ZFAND3: variants seen among roughly 807,000 people sequenced by gnomAD.
ZFAND3 encodes AN1-type zinc finger protein 3.
ZFAND3 carries 10 observed loss-of-function variants against 29.6 expected under a neutral mutation model. The observed-to-expected ratio is 0.34, with a 90% CI of 0.21 to 0.57. The LOEUF (loss-of-function observed/expected upper bound fraction) is 0.57. Ranked by LOEUF, ZFAND3 falls within the 20% of genes least tolerant of loss-of-function variation. The pLI is 0.86. For missense variants in ZFAND3, 230 were observed against 304.5 expected (o/e 0.76, Z 1.82); for synonymous variants, 128 against 112.6 (o/e 1.14, Z -0.87).
At chr6:38,073,950 C>T (rs1481526294) in intron 3 of ZFAND3, among the ~76,000 whole-genome samples, 1 of 152,174 alleles carries the variant, frequency 6.6e-6, no homozygotes, top group Non-Finnish European at 1.5e-5. Context: ...TAAATATTCA[C>T]ATTTTGTTGA....
intron 2 of ZFAND3, among the ~76,000 whole-genome samples, chr6:37,940,231 A>G (rs779817972): frequency 6.6e-6 from 1 of 152,134 alleles, no homozygotes; most frequent in Non-Finnish European, 1.5e-5. Context: ...TGTGCTTCAG[A>G]GGCTTTGGCT....
At chr6:38,032,254 A>G (rs1763576372) in intron 2 of ZFAND3, among the ~76,000 whole-genome samples, 1 of 152,318 alleles carries the variant, frequency 6.6e-6, no homozygotes, top group South Asian at 2.1e-4. Context: ...TATATTTTAT[A>G]GCAAAGATAA....
At chr6:37,997,130 AT>A in intron 2 of ZFAND3, among the ~76,000 whole-genome samples, 1 of 152,168 alleles carries the variant, frequency 6.6e-6, no homozygotes, top group Non-Finnish European at 1.5e-5. Context: ...TTGTAAAGTC[AT>A]TTTTGCATTA....
At position 38,001,070 on chromosome 6, in the gene ZFAND3, A is replaced by C. The variant is rs184415346; in HGVS notation, c.113-60523A>C. ...TGAAGGAGAATAGGTTGAAGAATGC[A>C]GGGTAATTTAGAAATGCAAGAATGC... On this transcript the variant is annotated intron_variant, in intron 2 of 5. Transcript: ENST00000287218. Among the ~76,000 whole-genome samples the C allele has an allele frequency of 2.5e-4, 38 of 152,354 alleles. 1 individual carries two copies. The highest frequency in any genetic ancestry group is 2.5e-3 in the Admixed American group (38 of 15,300).
chr6:37,890,653 T>C (rs1765078834), intron 1 of ZFAND3, among the ~76,000 whole-genome samples: 1 of 152,218 alleles, frequency 6.6e-6, no homozygotes, highest in African/African-American at 2.4e-5. Flanking sequence ...GTGTCGGAAG[T>C]ATGGCCAGAC....
At chr6:37,945,603 G>C (rs376917784) in intron 2 of ZFAND3, among the ~76,000 whole-genome samples, 40 of 152,266 alleles carry the variant, frequency 2.6e-4, no homozygotes, top group African/African-American at 8.9e-4. Flanking sequence ...TCGAACTCCT[G>C]AACTCCAGTG....
intron 1 of ZFAND3, among the ~76,000 whole-genome samples, chr6:37,914,650 C>G (rs1183927813): frequency 9.4e-6 from 1 of 106,536 alleles, no homozygotes; most frequent in African/African-American, 3.8e-5. Flanking sequence ...TATTTTCTTT[C>G]TTTCTTTCTT....
intron 5 of ZFAND3, among the ~76,000 whole-genome samples, chr6:38,122,059 C>T (rs1438124727): frequency 1.3e-5 from 2 of 152,262 alleles, no homozygotes; most frequent in Admixed American, 6.5e-5. Context: ...CACCTCCTCT[C>T]CCCCATTTAT....
At chr6:38,041,981 T>G (rs1052815530) in intron 2 of ZFAND3, among the ~76,000 whole-genome samples, 5 of 149,766 alleles carry the variant, frequency 3.3e-5, no homozygotes, top group Non-Finnish European at 7.4e-5. Flanking sequence ...GGACTATAAG[T>G]GTGCACACCA....
chr6:38,150,651 C>T (rs1766202264), intron 5 of ZFAND3, among the ~76,000 whole-genome samples: 1 of 152,184 alleles, frequency 6.6e-6, no homozygotes. Context: ...TGGGCTCTTG[C>T]TGTTCTTCTA....
intron 4 of ZFAND3, among the ~76,000 whole-genome samples, chr6:38,099,048 AC>A (rs1765040583): frequency 6.6e-6 from 1 of 152,156 alleles, no homozygotes; most frequent in Non-Finnish European, 1.5e-5. Context: ...CCTTTTAAAA[AC>A]ATAAATATTC....
chr6:38,006,965 G>A lies in ZFAND3; in HGVS notation c.113-54628G>A, dbSNP rs1353961665. Among the ~76,000 whole-genome samples, 10 of 152,080 alleles carry A rather than the reference G, an allele frequency of 6.6e-5. No individual in the cohort carries two copies. In the South Asian group the frequency reaches 1.5e-3, roughly 22 times the overall value. On this transcript the variant is annotated intron_variant, in intron 2 of 5. Transcript: ENST00000287218. ...ACACACATACTCTGTTTAGCATCCC[G>A]AGTTCTCAGAGAAGGAAGAGGTGTG... is the stretch of plus-strand genomic sequence containing the variant.
intron 4 of ZFAND3, among the ~76,000 whole-genome samples, chr6:38,114,270 A>T (rs898318121): frequency 8.5e-5 from 13 of 152,154 alleles, no homozygotes; most frequent in Non-Finnish European, 1.8e-4. Context: ...GTGTAAAAGG[A>T]CCCCGCCCGC....
chr6:37,973,055 T>C (rs1413096630), intron 2 of ZFAND3, among the ~76,000 whole-genome samples: 2 of 152,150 alleles, frequency 1.3e-5, no homozygotes, highest in African/African-American at 4.8e-5. Context: ...ATGAATATAC[T>C]GTTAGTATAT....
chr6:37,958,186 G>T (rs1304886693), intron 2 of ZFAND3, among the ~76,000 whole-genome samples: 1 of 152,152 alleles, frequency 6.6e-6, no homozygotes, highest in Non-Finnish European at 1.5e-5. Context: ...GGGCATGATG[G>T]CTCACGCCTG....
intron 2 of ZFAND3, among the ~76,000 whole-genome samples, chr6:38,000,016 A>T (rs568745947): frequency 8.1e-4 from 123 of 152,302 alleles, no homozygotes; most frequent in Non-Finnish European, 1.4e-3. Flanking sequence ...GATTCCATTG[A>T]TTAGAAGGAA....
intron 2 of ZFAND3, among the ~76,000 whole-genome samples, chr6:37,941,751 G>A (rs1265568575): frequency 6.6e-6 from 1 of 152,152 alleles, no homozygotes; most frequent in African/African-American, 2.4e-5. Context: ...GCAACCTGCA[G>A]ATTTCATTTG....
At chr6:37,981,424 C>T (rs550459883) in intron 2 of ZFAND3, among the ~76,000 whole-genome samples, 7 of 152,248 alleles carry the variant, frequency 4.6e-5, no homozygotes, top group Admixed American at 4.6e-4. Context: ...TAACTGTTTT[C>T]ACCCATATTG....
At chr6:37,971,587 T>A (rs1435800712) in intron 2 of ZFAND3, among the ~76,000 whole-genome samples, 1 of 152,186 alleles carries the variant, frequency 6.6e-6, no homozygotes, top group African/African-American at 2.4e-5. Flanking sequence ...AAAGCAATGC[T>A]TGCTTTCCAT....
Sources: gnomAD v4.1 joint callset for allele counts (sites outside exome capture counted in the v4.1 genomes callset) on GRCh38, gnomAD v4.1.1 for gene constraint, MANE v1.5 for transcripts, NCBI Gene and HGNC (gene_info 2026-07-23, HGNC 2026-07-21) for gene names.